RPS6KC1: variants seen among roughly 807,000 people sequenced by gnomAD.
RPS6KC1 encodes inactive ribosomal protein S6 kinase delta-1.
Under a neutral mutation model 103.8 loss-of-function variants are expected in RPS6KC1, and 54 were observed. That is an observed-to-expected ratio of 0.52 (90% CI 0.42 to 0.65). RPS6KC1 has a LOEUF of 0.65. Among genes scored for constraint, RPS6KC1 ranks in the 30% least tolerant of loss-of-function variants. The pLI is 0.00. For synonymous variants in RPS6KC1, 439 were observed against 438.7 expected, an observed-to-expected ratio of 1.00 and a Z score of -0.01; for missense variants, 1,151 against 1,253.8, an observed-to-expected ratio of 0.92 and a Z score of 1.24.
the RPS6KC1 span, chr1:213,839,989 A>G: frequency 6.6e-6 from 1 of 152,170 alleles, no homozygotes; most frequent in Non-Finnish European, 1.5e-5. Flanking sequence ...AAATGGGGAT[A>G]AGAATGCCCC....
chr1:213,493,485 C>T, the RPS6KC1 span, among the ~76,000 whole-genome samples: 1 of 152,178 alleles, frequency 6.6e-6, no homozygotes, highest in Non-Finnish European at 1.5e-5. Flanking sequence ...TGAAGCGATA[C>T]TGACCATAAA....
chr1:213,738,296 A>C, the RPS6KC1 span, among the ~76,000 whole-genome samples: 1 of 152,200 alleles, frequency 6.6e-6, no homozygotes, highest in Admixed American at 6.5e-5. Flanking sequence ...ACAGATGCAT[A>C]TTCTCCAAGA....
the RPS6KC1 span, among the ~76,000 whole-genome samples, chr1:213,719,388 G>T: frequency 1.3e-5 from 2 of 152,104 alleles, no homozygotes; most frequent in African/African-American, 4.8e-5. Flanking sequence ...GCCGATGCCC[G>T]CCATTTAGAA....
chr1:213,318,600 G>A, the RPS6KC1 span, among the ~76,000 whole-genome samples: 1 of 152,224 alleles, frequency 6.6e-6, no homozygotes, highest in African/African-American at 2.4e-5. Context: ...AAGAAAAAGA[G>A]ATTTAATGGA....
the RPS6KC1 span, among the ~76,000 whole-genome samples, chr1:213,356,967 C>G: frequency 6.6e-6 from 1 of 152,134 alleles, no homozygotes; most frequent in African/African-American, 2.4e-5. Context: ...TTTCTGTGCC[C>G]GTGACTCTGA....
chr1:213,816,802 G>A, the RPS6KC1 span, among the ~76,000 whole-genome samples: 8 of 152,086 alleles, frequency 5.3e-5, no homozygotes, highest in African/African-American at 9.7e-5. Context: ...CCTTATCTCC[G>A]TTTAAACTTT....
the RPS6KC1 span, among the ~76,000 whole-genome samples, chr1:213,316,776 A>C: frequency 6.6e-6 from 1 of 151,588 alleles, no homozygotes; most frequent in African/African-American, 2.4e-5. Flanking sequence ...AGAGTGATTG[A>C]GGGGGCCTCA....
At chr1:213,329,324 T>C in the RPS6KC1 span, among the ~76,000 whole-genome samples, 1 of 152,040 alleles carries the variant, frequency 6.6e-6, no homozygotes, top group Non-Finnish European at 1.5e-5. Flanking sequence ...AGGGTGCAGG[T>C]TCTGGGTGAG....
At chr1:213,804,259 G>A in the RPS6KC1 span, among the ~76,000 whole-genome samples, 6 of 148,960 alleles carry the variant, frequency 4.0e-5, no homozygotes, top group Non-Finnish European at 7.4e-5. Flanking sequence ...ATCAGGAAAC[G>A]TGGTTGTGGA....
chr1:213,115,019 T>G (rs954930030), intron 4 of RPS6KC1, among the ~76,000 whole-genome samples: 6 of 152,228 alleles, frequency 3.9e-5, no homozygotes, highest in Non-Finnish European at 7.3e-5. Context: ...ATTCTCTTTT[T>G]TTGTTGTGTC....
At chr1:213,596,497 G>T in the RPS6KC1 span, among the ~76,000 whole-genome samples, 1 of 152,224 alleles carries the variant, frequency 6.6e-6, no homozygotes, top group African/African-American at 2.4e-5. Context: ...ACATGGATTT[G>T]ACTTTGATGG....
the RPS6KC1 span, among the ~76,000 whole-genome samples, chr1:213,378,781 A>G: frequency 6.6e-6 from 1 of 152,230 alleles, no homozygotes; most frequent in African/African-American, 2.4e-5. Flanking sequence ...GTATGTGCAT[A>G]AGAGAACGAG....
At chr1:213,612,611 T>C in the RPS6KC1 span, among the ~76,000 whole-genome samples, 2 of 152,254 alleles carry the variant, frequency 1.3e-5, no homozygotes, top group South Asian at 2.1e-4. Context: ...TGTGTAGAGA[T>C]AGATTTTGAG....
rs1465164088 is a variant in RPS6KC1, at chr1:213,104,450, G to T, written c.263-4G>T. The T allele has an allele frequency of 2.5e-6, 4 of 1,582,912 alleles. No homozygotes were observed. Among genetic ancestry groups the T allele is most frequent in the East Asian group, 4.5e-5 (2 of 44,552 alleles). On this transcript the variant is annotated splice_polypyrimidine_tract_variant and splice_region_variant and intron_variant, in intron 3 of 14. Coordinates refer to ENST00000366960, the MANE Select transcript of RPS6KC1 (RefSeq NM_012424.6). The stretch of plus-strand genomic sequence containing the variant: ...CTTAAGTGTTGATTCTTATTTAATT[G>T]TAGGGCGATTTGATGAAACTGTTAT...
At chr1:213,407,428 G>A in the RPS6KC1 span, among the ~76,000 whole-genome samples, 1 of 152,162 alleles carries the variant, frequency 6.6e-6, no homozygotes. Context: ...AGAAGGGACT[G>A]AGAGTGAGCG....
chr1:213,089,223 A>G (rs2080730744), intron 3 of RPS6KC1, among the ~76,000 whole-genome samples: 1 of 152,178 alleles, frequency 6.6e-6, no homozygotes, highest in South Asian at 2.1e-4. Flanking sequence ...CTGTTCCCCT[A>G]CCAAGCATTT....
chr1:213,369,880 C>T, the RPS6KC1 span, among the ~76,000 whole-genome samples: 2 of 152,178 alleles, frequency 1.3e-5, no homozygotes, highest in Non-Finnish European at 2.9e-5. Flanking sequence ...GAAGTGAGAG[C>T]TTCAGCCCTC....
chr1:213,497,510 A>C, the RPS6KC1 span, among the ~76,000 whole-genome samples: 1 of 152,218 alleles, frequency 6.6e-6, no homozygotes, highest in Non-Finnish European at 1.5e-5. Context: ...TACAATTTCG[A>C]TTACATATAA....
At chr1:213,450,890 G>A in the RPS6KC1 span, among the ~76,000 whole-genome samples, 4 of 152,022 alleles carry the variant, frequency 2.6e-5, no homozygotes, top group African/African-American at 9.7e-5. Flanking sequence ...CAGGAGAATT[G>A]CTTGACCCCG....
Sources: gnomAD v4.1 joint callset for allele counts (sites outside exome capture counted in the v4.1 genomes callset) on GRCh38, gnomAD v4.1.1 for gene constraint, MANE v1.5 for transcripts, NCBI Gene and HGNC (gene_info 2026-07-23, HGNC 2026-07-21) for gene names.